The following GABRB2 variants were observed in gnomAD, a reference collection of about 807,000 sequenced individuals.
GABRB2 encodes gamma-aminobutyric acid receptor subunit beta-2.
A neutral mutation model predicts 54.7 loss-of-function variants in GABRB2; 16 were observed. The ratio of observed to expected loss-of-function variants is 0.29; its 90% CI spans 0.20 to 0.44. The LOEUF is 0.44. Ranked by LOEUF, GABRB2 falls within the 20% of genes least tolerant of loss-of-function variation. The pLI, the probability that GABRB2 is intolerant of heterozygous loss-of-function variation, is 1.00. For missense variants in GABRB2, 355 were observed against 644.0 expected (o/e 0.55, Z 4.86); for synonymous variants, 244 against 233.8 (o/e 1.04, Z -0.40).
intron 9 of GABRB2, among the ~76,000 whole-genome samples, chr5:161,320,243 A>T (rs1758170909): frequency 6.6e-6 from 1 of 151,956 alleles, no homozygotes; most frequent in Admixed American, 6.6e-5. Context: ...TGCTAGAAAG[A>T]TGTTTTAAGC....
At chr5:161,447,450 A>G (rs2113225786) in intron 4 of GABRB2, among the ~76,000 whole-genome samples, 1 of 152,268 alleles carries the variant, frequency 6.6e-6, no homozygotes. Flanking sequence ...TATTTTCTCC[A>G]TTATGGCTAG....
intron 5 of GABRB2, among the ~76,000 whole-genome samples, chr5:161,409,793 A>G (rs1005884313): frequency 3.9e-5 from 6 of 152,220 alleles, no homozygotes; most frequent in Non-Finnish European, 5.9e-5. Flanking sequence ...AGCAACATGC[A>G]ATGCTATCTT....
chr5:161,321,375 C>G (rs1758204449), intron 9 of GABRB2, among the ~76,000 whole-genome samples: 3 of 152,130 alleles, frequency 2.0e-5, no homozygotes, highest in East Asian at 3.9e-4. Context: ...TATTATCCAG[C>G]TTTTTAAAAT....
chr5:161,459,973 C>T, intron 3 of GABRB2, 129 bp from the exon 4 acceptor site: 1 of 580,412 alleles, frequency 1.7e-6, no homozygotes, highest in South Asian at 2.6e-5. Flanking sequence ...GAGACAGGGT[C>T]TCACTCTGTC....
chr5:161,350,219 T>C lies in GABRB2; in HGVS notation c.542-13450A>G, dbSNP rs568235572. Reference sequence around the variant, plus strand: ...CATAGAGCAATTAGGCAAGAGAATATAAAAGGCATCCACATTAGAAAGGAA... The same window carrying C: ...CATAGAGCAATTAGGCAAGAGAATACAAAAGGCATCCACATTAGAAAGGAA... On this transcript the variant is annotated intron_variant, in intron 5 of 9. Transcript: ENST00000393959. Among the ~76,000 whole-genome samples, 149 of 152,168 alleles carry C rather than the reference T, an allele frequency of 9.8e-4. 1 individual carries two copies. Among genetic ancestry groups the C allele is most frequent in the Non-Finnish European group, 1.1e-3 (77 of 67,982 alleles).
intron 4 of GABRB2, among the ~76,000 whole-genome samples, chr5:161,418,621 C>T (rs1380177316): frequency 6.6e-6 from 1 of 152,044 alleles, no homozygotes; most frequent in Non-Finnish European, 1.5e-5. Flanking sequence ...AAAGCAAATG[C>T]AACATAAACA....
chr5:161,499,815 A>T (rs756646800), intron 3 of GABRB2, among the ~76,000 whole-genome samples: 2 of 152,162 alleles, frequency 1.3e-5, no homozygotes, highest in Non-Finnish European at 2.9e-5. Context: ...AAGCATGGTG[A>T]ACATGAATGC....
At chr5:161,302,582 G>A (rs182990401) in intron 9 of GABRB2, among the ~76,000 whole-genome samples, 40 of 152,320 alleles carry the variant, frequency 2.6e-4, no homozygotes, top group Admixed American at 7.2e-4. Context: ...ATCAAGAGAA[G>A]AGTGAGAAAT....
chr5:161,392,811 T>A (rs1755871809), intron 5 of GABRB2, among the ~76,000 whole-genome samples: 2 of 152,138 alleles, frequency 1.3e-5, no homozygotes, highest in Admixed American at 1.3e-4. Flanking sequence ...GTAGGTGAAA[T>A]GAAAGCTAAA....
At chr5:161,297,653 G>A (rs116644140) in intron 9 of GABRB2, among the ~76,000 whole-genome samples, 5,577 of 152,116 alleles carry the variant, frequency 0.037, 160 homozygotes, top group Admixed American at 0.08. Context: ...TGGTATATAC[G>A]TGTCACATTT....
At chr5:161,425,531 AT>A (rs1164981269) in intron 4 of GABRB2, among the ~76,000 whole-genome samples, 7 of 152,066 alleles carry the variant, frequency 4.6e-5, no homozygotes, top group African/African-American at 1.4e-4. Flanking sequence ...AATGTACATT[AT>A]TTTTATTAAA....
At chr5:161,296,420 A>G (rs1757382127) in intron 9 of GABRB2, among the ~76,000 whole-genome samples, 1 of 152,204 alleles carries the variant, frequency 6.6e-6, no homozygotes, top group African/African-American at 2.4e-5. Flanking sequence ...AATTATAATA[A>G]GAAGAGTTAT....
In GABRB2 at chr5:161,313,376, G is replaced by GT. The variant is rs1288706991; in HGVS notation, c.1191+12991dup. Among the ~76,000 whole-genome samples the GT allele has an allele frequency of 2.6e-5, 4 of 151,714 alleles. No homozygotes were observed. The East Asian group carries it at 5.8e-4, about 22-fold the overall frequency. ...AGCTCTTTGCGCCCCTCCCCACTACGTTTTTTTCAGATGGAATGTACCTTT... is the reference window on the plus strand; with the variant it reads ...AGCTCTTTGCGCCCCTCCCCACTACGTTTTTTTTCAGATGGAATGTACCTTT... On this transcript the variant is annotated intron_variant, in intron 9 of 9. Coordinates refer to ENST00000393959, the MANE Select transcript of GABRB2 (RefSeq NM_001371727.1).
chr5:161,296,893 T>G (rs1192957088), intron 9 of GABRB2, among the ~76,000 whole-genome samples: 1 of 152,176 alleles, frequency 6.6e-6, no homozygotes, highest in East Asian at 1.9e-4. Context: ...TTCTGTGGAC[T>G]AAGAATAGGA....
intron 4 of GABRB2, among the ~76,000 whole-genome samples, chr5:161,446,414 A>G (rs755288449): frequency 7.9e-5 from 12 of 152,142 alleles, no homozygotes; most frequent in Non-Finnish European, 1.5e-4. Flanking sequence ...ATATTTAGGT[A>G]ATCAAAGTGA....
chr5:161,546,666 G>A lies in GABRB2; in HGVS notation c.-23C>T. The stretch of plus-strand genomic sequence containing the variant: ...CATCCCTTTAGTTTTTGATGGAATT[G>A]AGGGTTTCACTGAAGAGAGGAGATC... On this transcript the variant is annotated 5_prime_UTR_variant, in exon 1 of 10. Transcript: ENST00000393959. The A allele has an allele frequency of 6.4e-7, 1 of 1,574,624 alleles. No homozygotes were observed. The highest frequency in any genetic ancestry group is 8.6e-7 in the Non-Finnish European group (1 of 1,158,350).
chr5:161,422,112 AAT>A (rs1468604045), intron 4 of GABRB2, among the ~76,000 whole-genome samples: 1 of 152,140 alleles, frequency 6.6e-6, no homozygotes, highest in African/African-American at 2.4e-5. Context: ...GTAATTAGAC[AAT>A]ATTTATCAAA....
intron 3 of GABRB2, among the ~76,000 whole-genome samples, chr5:161,487,015 A>G (rs921353533): frequency 6.6e-6 from 1 of 151,960 alleles, no homozygotes; most frequent in Non-Finnish European, 1.5e-5. Context: ...GCAAATTTCA[A>G]GTAAATTACA....
intron 9 of GABRB2, among the ~76,000 whole-genome samples, chr5:161,298,061 T>C (rs150601529): frequency 6.6e-6 from 1 of 152,218 alleles, no homozygotes; most frequent in South Asian, 2.1e-4. Flanking sequence ...TCACGTTTGT[T>C]GGCCACATAA....
Sources: gnomAD v4.1 joint callset for allele counts (sites outside exome capture counted in the v4.1 genomes callset) on GRCh38, gnomAD v4.1.1 for gene constraint, MANE v1.5 for transcripts, NCBI Gene and HGNC (gene_info 2026-07-23, HGNC 2026-07-21) for gene names.